SNTG2: variants seen among roughly 807,000 people sequenced by gnomAD.
The protein encoded by SNTG2 is gamma-2-syntrophin.
SNTG2 carries 74 observed loss-of-function variants against 70.9 expected under a neutral mutation model. That is an observed-to-expected ratio of 1.04 (90% CI 0.86 to 1.27). The LOEUF is 1.27. SNTG2 is among the 50% of genes most tolerant of loss of function. The pLI is 0.00. For synonymous variants in SNTG2, 278 were observed against 273.8 expected, an observed-to-expected ratio of 1.02 and a Z score of -0.15; for missense variants, 717 against 690.7, an observed-to-expected ratio of 1.04 and a Z score of -0.43.
chr2:1,000,057 G>C (rs1292420484), intron 1 of SNTG2, among the ~76,000 whole-genome samples: 3 of 151,552 alleles, frequency 2.0e-5, no homozygotes, highest in Non-Finnish European at 4.4e-5. Flanking sequence ...CTATTAAGAT[G>C]GAAAATTTTT....
chr2:1,118,456 T>C (rs187632626), intron 4 of SNTG2, among the ~76,000 whole-genome samples: 2 of 152,194 alleles, frequency 1.3e-5, no homozygotes, highest in Admixed American at 1.3e-4. Flanking sequence ...ACAGAGACTA[T>C]ACCCCTGCAC....
intron 1 of SNTG2, among the ~76,000 whole-genome samples, chr2:1,025,039 G>A (rs1451695305): frequency 6.6e-6 from 1 of 152,122 alleles, no homozygotes; most frequent in East Asian, 1.9e-4. Flanking sequence ...ATCAAAATAT[G>A]AAACACCCCC....
chr2:1,097,902 G>A lies in SNTG2; in HGVS notation c.211-294G>A, dbSNP rs1572422517. ...GGTGGACCCCTCGTTTCTTCATGGA[G>A]CTCCGTTCCTCACAAGCAGAATGCA... On this transcript the variant is annotated intron_variant, in intron 2 of 16. Transcript: ENST00000308624. The surrounding 1 kb of genome is among the most constrained non-coding windows in gnomAD (Gnocchi z 4.1). Among the ~76,000 whole-genome samples the A allele has an allele frequency of 6.6e-6, 1 of 151,782 alleles. No homozygotes were observed. Among genetic ancestry groups the A allele is most frequent in the South Asian group, 2.1e-4 (1 of 4,786 alleles).
chr2:1,134,871 G>A (rs1410396735), intron 4 of SNTG2, among the ~76,000 whole-genome samples: 2 of 152,194 alleles, frequency 1.3e-5, no homozygotes, highest in Non-Finnish European at 2.9e-5. Context: ...CTGCCCCGCG[G>A]GGAGGCAGCT....
At chr2:1,324,729 T>G (rs547412263) in intron 16 of SNTG2, among the ~76,000 whole-genome samples, 1 of 152,228 alleles carries the variant, frequency 6.6e-6, no homozygotes, top group Admixed American at 6.5e-5. Flanking sequence ...AGTTTTAGTT[T>G]TATTATGTTA....
At chr2:1,211,719 T>A (rs1398135905) in intron 9 of SNTG2, among the ~76,000 whole-genome samples, 1 of 152,060 alleles carries the variant, frequency 6.6e-6, no homozygotes, top group Non-Finnish European at 1.5e-5. Context: ...GAGAACAGCA[T>A]GGAAAAAACC....
intron 4 of SNTG2, among the ~76,000 whole-genome samples, chr2:1,102,376 G>C (rs543479400): frequency 6.6e-6 from 1 of 152,320 alleles, no homozygotes; most frequent in Admixed American, 6.5e-5. Flanking sequence ...GCAGGGTGCA[G>C]GAGGGGCTGC....
intron 11 of SNTG2, among the ~76,000 whole-genome samples, chr2:1,244,959 A>G (rs1406432935): frequency 6.6e-6 from 1 of 152,048 alleles, no homozygotes; most frequent in Non-Finnish European, 1.5e-5. Flanking sequence ...TGATGAGTTC[A>G]TGTCCTTTGT....
At chr2:1,002,142 C>T (rs867032495) in intron 1 of SNTG2, among the ~76,000 whole-genome samples, 1 of 152,008 alleles carries the variant, frequency 6.6e-6, no homozygotes, top group Admixed American at 6.6e-5. Flanking sequence ...AAATATAACA[C>T]CTGAAACTAT....
chr2:1,172,945 A>G (rs1671222151), intron 7 of SNTG2, 147 bp from the exon 8 acceptor site: 1 of 686,530 alleles, frequency 1.5e-6, no homozygotes, highest in Admixed American at 2.5e-5. Flanking sequence ...GTGAGAGGCC[A>G]TTGGGGATGA....
chr2:1,298,972 T>G (rs1360583031), intron 14 of SNTG2, among the ~76,000 whole-genome samples: 2 of 152,196 alleles, frequency 1.3e-5, no homozygotes, highest in Non-Finnish European at 2.9e-5. Context: ...AGTTTTGAGG[T>G]TTGGACTGGC....
intron 12 of SNTG2, among the ~76,000 whole-genome samples, chr2:1,256,118 A>G (rs1678106537): frequency 6.6e-6 from 1 of 151,590 alleles, no homozygotes; most frequent in Admixed American, 6.6e-5. Flanking sequence ...ATATTTTCAT[A>G]TAGAAAACCA....
intron 6 of SNTG2, among the ~76,000 whole-genome samples, chr2:1,148,425 C>G (rs1006412577): frequency 3.4e-4 from 52 of 152,272 alleles, no homozygotes; most frequent in African/African-American, 1.2e-3. Context: ...GAAGTGGGAA[C>G]CCAGAGCTGG....
At chr2:956,429 G>A (rs1572161146) in intron 1 of SNTG2, among the ~76,000 whole-genome samples, 1 of 152,198 alleles carries the variant, frequency 6.6e-6, no homozygotes, top group Admixed American at 6.5e-5. Flanking sequence ...CCTCCCTCGG[G>A]CCTTCACACA....
Position 1,238,002 on chromosome 2 carries a change from G to A in SNTG2, c.834G>A (p.Glu278=). ...GGGCGGTCTCAGCCAACATCAGGGA[G>A]CTGACACTTCAGAACGTGAGCACAC... ...WLRAVSANIR[E]LTLQNMKMAN... Residue 278 remains glutamate, a synonymous_variant, in exon 10 of 17, where the codon GAG becomes GAA. Transcript: ENST00000308624. 1 of 1,610,284 alleles carries A rather than the reference G, an allele frequency of 6.2e-7. No homozygotes were observed. Among genetic ancestry groups the A allele is most frequent in the South Asian group, 1.1e-5 (1 of 89,740 alleles).
At chr2:1,036,999 A>G (rs540484697) in intron 1 of SNTG2, among the ~76,000 whole-genome samples, 42 of 152,226 alleles carry the variant, frequency 2.8e-4, no homozygotes, top group Admixed American at 2.7e-3. Context: ...TATGGGGTGG[A>G]CTCAGCTCCC....
At chr2:968,931 C>T (rs775860996) in intron 1 of SNTG2, among the ~76,000 whole-genome samples, 5 of 152,038 alleles carry the variant, frequency 3.3e-5, no homozygotes, top group Non-Finnish European at 4.4e-5. Flanking sequence ...GTCTTTGTTA[C>T]GAAGTCTTTG....
intron 8 of SNTG2, among the ~76,000 whole-genome samples, chr2:1,180,915 A>G (rs946700154): frequency 2.0e-5 from 3 of 152,118 alleles, no homozygotes; most frequent in African/African-American, 4.8e-5. Flanking sequence ...CATGTCCTTT[A>G]TAGGGACATG....
In SNTG2 at chr2:1,098,167, C is replaced by T. The variant is rs768887115; in HGVS notation, c.211-29C>T. On this transcript the variant is annotated intron_variant, in intron 2 of 16. Transcript: ENST00000308624. The stretch of plus-strand genomic sequence containing the variant: ...TTCTGATAGTGCATTTTAACCTAAA[C>T]TTGGTTTGTTTTCTAAAATGTTTTA... 11 of 1,610,890 alleles carry T rather than the reference C, an allele frequency of 6.8e-6. No individual in the cohort carries two copies. In the Admixed American group the frequency reaches 1.2e-4, roughly 17 times the overall value.
Sources: gnomAD v4.1 joint callset for allele counts (sites outside exome capture counted in the v4.1 genomes callset) on GRCh38, gnomAD v4.1.1 for gene constraint, Gnocchi (gnomAD v3.1) non-coding constraint, MANE v1.5 for transcripts, NCBI Gene and HGNC (gene_info 2026-07-23, HGNC 2026-07-21) for gene names.